The following TMCO4 variants were observed in gnomAD, a reference collection of about 807,000 sequenced individuals.
TMCO4 encodes the protein transmembrane and coiled-coil domain-containing protein 4.
Under a neutral mutation model 64.7 loss-of-function variants are expected in TMCO4, and 58 were observed. That is an observed-to-expected ratio of 0.90 (90% CI 0.73 to 1.12). The LOEUF is 1.12. TMCO4 is among the 50% of genes most tolerant of loss of function. TMCO4 has a pLI of 0.00. For synonymous variants in TMCO4, 325 were observed against 346.1 expected, an observed-to-expected ratio of 0.94 and a Z score of 0.68; for missense variants, 780 against 825.9, an observed-to-expected ratio of 0.94 and a Z score of 0.68.
intron 14 of TMCO4, among the ~76,000 whole-genome samples, chr1:19,697,773 A>ATTT (rs55842212): frequency 2.4e-5 from 3 of 125,622 alleles, no homozygotes; most frequent in Non-Finnish European, 3.4e-5. Context: ...TAATTTTTGT[A>ATTT]TTTTTTTTTT....
rs544229402 is a variant in TMCO4 at position 19,764,231 on chromosome 1, G to T, written c.382+6311C>A. 2.6e-5 allele frequency among the ~76,000 whole-genome samples: 4 copies of T among 152,304 alleles called. No homozygotes were observed. The East Asian group carries it at 7.7e-4, about 29-fold the overall frequency. ...GAGGTGGAACAGCAGGTAAGAGGTG[G>T]ACTCAGGAGCCCCGGGGCCTGTCTG... On this transcript the variant is annotated intron_variant, in intron 6 of 15. Transcript: ENST00000294543.
At chr1:19,785,000 G>A (rs1470903470) in intron 3 of TMCO4, among the ~76,000 whole-genome samples, 6 of 152,286 alleles carry the variant, frequency 3.9e-5, no homozygotes, top group East Asian at 1.9e-4. Context: ...TGTGCAATCC[G>A]GTTGCTGCCT....
chr1:19,691,089 C>T lies in TMCO4; in HGVS notation c.1500+3345G>A, dbSNP rs185936973. 3.5e-3 allele frequency among the ~76,000 whole-genome samples: 534 copies of T among 152,114 alleles called. 6 individuals are homozygous for T. The highest frequency in any genetic ancestry group is 0.011 in the African/African-American group (474 of 41,498). ...TTCACTGTGTTAGCCAGGATGGTCT[C>T]GATCTCCTGACCTCGTGATCTGCCC... On this transcript the variant is annotated intron_variant, in intron 15 of 15. Transcript: ENST00000294543.
intron 14 of TMCO4, among the ~76,000 whole-genome samples, chr1:19,697,747 C>T (rs1005358898): frequency 1.3e-5 from 2 of 151,292 alleles, no homozygotes; most frequent in Admixed American, 6.6e-5. Flanking sequence ...TACAGGTGTG[C>T]GCCACCATGC....
chr1:19,713,326 A>G (rs2095340448), intron 13 of TMCO4, among the ~76,000 whole-genome samples: 1 of 152,132 alleles, frequency 6.6e-6, no homozygotes, highest in Non-Finnish European at 1.5e-5. Flanking sequence ...GCTCATGTGT[A>G]GTGGGCAACA....
At chr1:19,763,469 G>A (rs942900092) in intron 6 of TMCO4, among the ~76,000 whole-genome samples, 8 of 152,296 alleles carry the variant, frequency 5.3e-5, no homozygotes, top group East Asian at 1.9e-4. Context: ...GTAAGTGCCC[G>A]ATACAGGGTG....
intron 2 of TMCO4, 181 bp downstream of exon 2, chr1:19,797,956 G>GAAAAGAAAAGAAA: frequency 8.2e-6 from 1 of 121,872 alleles, no homozygotes; most frequent in African/African-American, 4.0e-5. Flanking sequence ...GAGAAAGAGA[G>GAAAAGAAAAGAAA]AGAAAAGAAA....
At chr1:19,713,709 TCAACAA>T (rs532380283) in intron 13 of TMCO4, among the ~76,000 whole-genome samples, 29 of 151,036 alleles carry the variant, frequency 1.9e-4, no homozygotes, top group African/African-American at 6.1e-4. Context: ...TAAAAATATA[TCAACAA>T]CAACAACAAC....
At chr1:19,738,853 T>C (rs185624600) in intron 12 of TMCO4, among the ~76,000 whole-genome samples, 3 of 152,346 alleles carry the variant, frequency 2.0e-5, no homozygotes, top group Admixed American at 2.0e-4. Context: ...CCAGCTTCTG[T>C]GGCAGCTAGG....
chr1:19,759,101 C>CAAAA (rs1163885215), intron 6 of TMCO4, among the ~76,000 whole-genome samples: 9 of 21,210 alleles, frequency 4.2e-4, no homozygotes, highest in South Asian at 1.8e-3. Context: ...GACTCGGTCT[C>CAAAA]AAAAAAAAAA....
At chr1:19,718,974 G>A (rs997935629) in intron 13 of TMCO4, among the ~76,000 whole-genome samples, 1 of 152,068 alleles carries the variant, frequency 6.6e-6, no homozygotes, top group Non-Finnish European at 1.5e-5. Flanking sequence ...CCACTCAAAC[G>A]AAAATCCAAC....
chr1:19,781,721 A>T (rs1440808193), intron 3 of TMCO4, among the ~76,000 whole-genome samples: 1 of 147,114 alleles, frequency 6.8e-6, no homozygotes, highest in Non-Finnish European at 1.5e-5. Context: ...ATCTTGGCTC[A>T]CTGCAAGCTC....
At chr1:19,746,328 T>G (rs1570871723) in intron 9 of TMCO4, 128 bp downstream of exon 9, 97 of 1,381,164 alleles carry the variant, frequency 7.0e-5, no homozygotes, top group Non-Finnish European at 8.4e-5. Flanking sequence ...GGACCCAGAG[T>G]GAGAAAAGCC....
At chr1:19,698,722 T>A (rs1318232618) in intron 14 of TMCO4, among the ~76,000 whole-genome samples, 4 of 152,198 alleles carry the variant, frequency 2.6e-5, no homozygotes, top group African/African-American at 9.7e-5. Flanking sequence ...CCTTTCTTCT[T>A]CCTTCTCTTT....
At chr1:19,735,145 T>C (rs952173568) in intron 13 of TMCO4, among the ~76,000 whole-genome samples, 6 of 148,360 alleles carry the variant, frequency 4.0e-5, no homozygotes, top group African/African-American at 1.5e-4. Flanking sequence ...AATGACAAGT[T>C]CTGACATCTA....
At chr1:19,793,164 T>C (rs1232351176) in intron 2 of TMCO4, among the ~76,000 whole-genome samples, 1 of 152,076 alleles carries the variant, frequency 6.6e-6, no homozygotes, top group African/African-American at 2.4e-5. Flanking sequence ...CCCTCCTCCT[T>C]GCAGCTCCTG....
intron 13 of TMCO4, among the ~76,000 whole-genome samples, chr1:19,733,136 G>A (rs1046634079): frequency 3.3e-5 from 5 of 151,896 alleles, no homozygotes; most frequent in African/African-American, 4.8e-5. Flanking sequence ...GCAATGTTGC[G>A]GGCACGTGTA....
rs200726981 is a variant in TMCO4, at chr1:19,780,766, G to A, written c.-8C>T. 1.8e-5 allele frequency: 28 copies of A among 1,555,776 alleles called. No homozygotes were observed. The highest frequency in any genetic ancestry group is 2.3e-5 in the Non-Finnish European group (27 of 1,155,528). Reference sequence around the variant, plus strand: ...CCTGTTCCACATGGCCATTCCCAGCGCTGCAGGAGAAAATTCCCAGTGAGA... The same window carrying A: ...CCTGTTCCACATGGCCATTCCCAGCACTGCAGGAGAAAATTCCCAGTGAGA... On this transcript the variant is annotated splice_region_variant and 5_prime_UTR_variant, in exon 4 of 16. Coordinates refer to ENST00000294543, the MANE Select transcript of TMCO4 (RefSeq NM_181719.7).
At chr1:19,797,395 G>A (rs1239261675) in intron 2 of TMCO4, among the ~76,000 whole-genome samples, 1 of 152,120 alleles carries the variant, frequency 6.6e-6, no homozygotes, top group Non-Finnish European at 1.5e-5. Context: ...GAAAAGGGAG[G>A]CAGGGGGTAG....
Sources: allele counts gnomAD v4.1 joint callset (sites outside exome capture counted in the v4.1 genomes callset), GRCh38; gene constraint gnomAD v4.1.1; transcripts MANE v1.5; gene names NCBI Gene and HGNC (gene_info 2026-07-23, HGNC 2026-07-21).